Variants in WIF1 observed in about 807,000 individuals in gnomAD.
WIF1 encodes the protein Wnt inhibitory factor 1.
In WIF1, 35 loss-of-function variants were observed where a neutral mutation model predicts 53.5. That is an observed-to-expected ratio of 0.65 (90% confidence interval 0.50 to 0.87). The LOEUF (loss-of-function observed/expected upper bound fraction) is 0.87. Ranked by LOEUF, WIF1 falls within the 40% of genes least tolerant of loss-of-function variation. The pLI is 0.00. For missense variants in WIF1, 467 were observed against 476.8 expected (o/e 0.98, Z 0.19); for synonymous variants, 171 against 170.4 (o/e 1.00, Z -0.03).
At chr12:65,099,873 C>T (rs1439176897) in intron 2 of WIF1, among the ~76,000 whole-genome samples, 3 of 152,056 alleles carry the variant, frequency 2.0e-5, no homozygotes, top group African/African-American at 4.8e-5. Context: ...TAAGTTTTGA[C>T]GTTGATCTAC....
chr12:65,067,273 AT>A (rs1461989932), intron 5 of WIF1, among the ~76,000 whole-genome samples: 4 of 152,060 alleles, frequency 2.6e-5, no homozygotes, highest in Non-Finnish European at 4.4e-5. Flanking sequence ...TTTTTCATTT[AT>A]TTTTAAAAAT....
chr12:65,097,423 G>A (rs932423742), intron 2 of WIF1, among the ~76,000 whole-genome samples: 2 of 152,128 alleles, frequency 1.3e-5, no homozygotes, highest in African/African-American at 4.8e-5. Flanking sequence ...TACCGTTCTA[G>A]GGGATGGCTA....
intron 2 of WIF1, among the ~76,000 whole-genome samples, chr12:65,090,633 G>C (rs1268115730): frequency 6.6e-6 from 1 of 152,122 alleles, no homozygotes; most frequent in Non-Finnish European, 1.5e-5. Flanking sequence ...AGGTTAAACA[G>C]GTGAAGGAGG....
At chr12:65,081,934 T>C (rs1882957228) in intron 2 of WIF1, among the ~76,000 whole-genome samples, 2 of 152,138 alleles carry the variant, frequency 1.3e-5, no homozygotes, top group Admixed American at 6.6e-5. Flanking sequence ...TTATCTCTGA[T>C]GTTGACACTA....
rs201141383 is a variant in WIF1 at position 65,056,035 on chromosome 12, T to G, written c.918A>C (p.Ser306=). 2.2e-5 allele frequency: 35 copies of G among 1,613,710 alleles called. No individual in the cohort carries two copies. The highest frequency in any genetic ancestry group is 2.9e-5 in the Non-Finnish European group (34 of 1,179,850). ...CAATGTGTATGGGGTACTTACGCTTTGAACAGAGGTCTCCCTGGTAACCTT... is the reference window on the plus strand; with the variant it reads ...CAATGTGTATGGGGTACTTACGCTTGGAACAGAGGTCTCCCTGGTAACCTT... The part of the protein sequence containing the change: ...CSKGYQGDLC[S]KPVCEPGCGA... Residue 306 remains serine, a synonymous_variant, in exon 8 of 10, where the codon TCA becomes TCC. Transcript: ENST00000286574.
At chr12:65,052,502 T>C (rs1882455844) in intron 9 of WIF1, among the ~76,000 whole-genome samples, 1 of 152,172 alleles carries the variant, frequency 6.6e-6, no homozygotes, top group Non-Finnish European at 1.5e-5. Flanking sequence ...CCCACCATCA[T>C]GCCTGGGTCC....
At chr12:65,069,440 A>T (rs1882738872) in intron 3 of WIF1, among the ~76,000 whole-genome samples, 1 of 152,192 alleles carries the variant, frequency 6.6e-6, no homozygotes, top group South Asian at 2.1e-4. Flanking sequence ...TGTATGTGAA[A>T]GTGACAAAAT....
At chr12:65,108,972 C>T (rs1234482390) in intron 2 of WIF1, among the ~76,000 whole-genome samples, 9 of 152,174 alleles carry the variant, frequency 5.9e-5, no homozygotes, top group African/African-American at 1.7e-4. Flanking sequence ...TTTAAGCATT[C>T]GATGGCTCTG....
intron 2 of WIF1, among the ~76,000 whole-genome samples, chr12:65,108,397 A>T (rs1883381918): frequency 6.6e-6 from 1 of 152,078 alleles, no homozygotes; most frequent in Admixed American, 6.6e-5. Context: ...TCAGAGTCAA[A>T]TTTTTTTCAA....
At chr12:65,119,455 A>G (rs1883563416) in intron 2 of WIF1, among the ~76,000 whole-genome samples, 1 of 152,220 alleles carries the variant, frequency 6.6e-6, no homozygotes, top group Non-Finnish European at 1.5e-5. Flanking sequence ...CTATACCACA[A>G]CAGGTAATTA....
chr12:65,059,896 C>CCTG (rs1882585359), intron 7 of WIF1, among the ~76,000 whole-genome samples: 1 of 152,140 alleles, frequency 6.6e-6, no homozygotes, highest in Non-Finnish European at 1.5e-5. Context: ...AGGTGATCCG[C>CCTG]CTGCTTCAGC....
At chr12:65,102,992 T>A (rs1037722028) in intron 2 of WIF1, among the ~76,000 whole-genome samples, 1 of 152,238 alleles carries the variant, frequency 6.6e-6, no homozygotes, top group Non-Finnish European at 1.5e-5. Flanking sequence ...CTATGTTTAC[T>A]ATGTAATGAA....
chr12:65,066,700 C>T lies in WIF1; in HGVS notation c.671G>A (p.Cys224Tyr), dbSNP rs748501840. ...GCAGATGCAGAAACCAGGAGTCACA[C>T]AAAGTCCACCATTCATACATCGTGG... ...CTPRCMNGGL[C>Y]VTPGFCICPP... The change falls in exon 6 of 10, where the codon TGT becomes TAT. Residue 224 changes from cysteine to tyrosine, a missense_variant. Transcript: ENST00000286574. 5.0e-6 allele frequency: 8 copies of T among 1,610,488 alleles called. No homozygotes were observed. In the South Asian group the frequency reaches 8.8e-5, roughly 18 times the overall value.
At chr12:65,082,986 C>A (rs1882972577) in intron 2 of WIF1, among the ~76,000 whole-genome samples, 1 of 152,138 alleles carries the variant, frequency 6.6e-6, no homozygotes, top group African/African-American at 2.4e-5. Context: ...AAGTTATCAT[C>A]TTTGTTCTAA....
At chr12:65,055,488 C>G (rs564410735) in intron 8 of WIF1, among the ~76,000 whole-genome samples, 78 of 152,286 alleles carry the variant, frequency 5.1e-4, no homozygotes, top group African/African-American at 1.7e-3. Flanking sequence ...AAGAAAACAC[C>G]TGGCTGGGCA....
At position 65,051,447 on chromosome 12, in the gene WIF1, C is replaced by T. The variant is rs1244079027; in HGVS notation, c.1042G>A (p.Ala348Thr). Residue 348 changes from alanine to threonine, a missense_variant, in exon 10 of 10, where the codon GCC becomes ACC. Transcript: ENST00000286574. Reference sequence around the variant, plus strand: ...AGCTGGGCGCCTGCTGGCCTCAGGGCATGTATGAGGCTGGCTTCGTACCCT... The same window carrying T: ...AGCTGGGCGCCTGCTGGCCTCAGGGTATGTATGAGGCTGGCTTCGTACCCT... Reference protein sequence around the residue: ...NKRYEASLIHALRPAGAQLRQ... With the variant: ...NKRYEASLIHTLRPAGAQLRQ... 6.2e-7 allele frequency: 1 copy of T among 1,611,954 alleles called. No homozygotes were observed. Among genetic ancestry groups the T allele is most frequent in the African/African-American group, 1.3e-5 (1 of 74,842 alleles).
In WIF1 at chr12:65,068,744, GA is replaced by G; in HGVS notation, c.538+19del. 6.2e-7 allele frequency: 1 copy of G among 1,610,442 alleles called. No individual in the cohort carries two copies. Among genetic ancestry groups the G allele is most frequent in the South Asian group, 1.1e-5 (1 of 90,606 alleles). ...AAGCCCTTACAACATGTCTTCTCTT[GA>G]ATCACCATCGGTGCTTACCTTGTTG... On this transcript the variant is annotated intron_variant, in intron 4 of 9. Coordinates refer to ENST00000286574, the MANE Select transcript of WIF1 (RefSeq NM_007191.5).
intron 2 of WIF1, among the ~76,000 whole-genome samples, chr12:65,120,087 A>G (rs376531614): frequency 6.6e-6 from 1 of 152,242 alleles, no homozygotes; most frequent in Non-Finnish European, 1.5e-5. Context: ...ATGCAAAAAG[A>G]GTCCTTTAAG....
chr12:65,074,496 C>A (rs1008344953), intron 3 of WIF1, among the ~76,000 whole-genome samples: 1 of 151,610 alleles, frequency 6.6e-6, no homozygotes, highest in Non-Finnish European at 1.5e-5. Context: ...ACAAAAAGAG[C>A]AAAAAATATG....
Sources: gnomAD v4.1 joint callset for allele counts (sites outside exome capture counted in the v4.1 genomes callset) on GRCh38, gnomAD v4.1.1 for gene constraint, MANE v1.5 for transcripts, NCBI Gene and HGNC (gene_info 2026-07-23, HGNC 2026-07-21) for gene names.